Variants in TPD52 observed in about 807,000 individuals in gnomAD.
TPD52 encodes tumor protein D52.
Under a neutral mutation model 31.3 loss-of-function variants are expected in TPD52, and 17 were observed. The observed-to-expected ratio is 0.54, with a 90% CI of 0.37 to 0.82. The LOEUF (loss-of-function observed/expected upper bound fraction) is 0.82, where lower values mean the gene tolerates loss of function less well. Ranked by LOEUF, TPD52 falls within the 40% of genes least tolerant of loss-of-function variation. The pLI is 0.00. For missense variants in TPD52, 212 were observed against 240.1 expected, an observed-to-expected ratio of 0.88 and a Z score of 0.77; for synonymous variants, 83 against 89.6, an observed-to-expected ratio of 0.93 and a Z score of 0.42.
chr8:80,125,506 A>G (rs1300493934), intron 1 of TPD52, among the ~76,000 whole-genome samples: 1 of 152,166 alleles, frequency 6.6e-6, no homozygotes, highest in Non-Finnish European at 1.5e-5. Context: ...TTAAGAAGCC[A>G]AAAGTTCTGA....
chr8:80,033,904 G>A (rs1272226410), downstream of TPD52, among the ~76,000 whole-genome samples: 1 of 152,064 alleles, frequency 6.6e-6, no homozygotes, highest in African/African-American at 2.4e-5. Flanking sequence ...TCTGGGTTGT[G>A]GGCTCTACCT....
chr8:80,104,541 CAG>C (rs1157331368), intron 1 of TPD52, among the ~76,000 whole-genome samples: 1 of 146,606 alleles, frequency 6.8e-6, no homozygotes, highest in Admixed American at 6.8e-5. Flanking sequence ...GCCGGGGGAA[CAG>C]AGCAAGACCC....
intron 2 of TPD52, among the ~76,000 whole-genome samples, chr8:80,063,397 G>A (rs1812761280): frequency 6.6e-6 from 1 of 152,218 alleles, no homozygotes; most frequent in East Asian, 1.9e-4. Flanking sequence ...GCTGAAGGAG[G>A]GGAGTAGTCA....
At chr8:80,045,274 A>G (rs1031302804) in intron 5 of TPD52, among the ~76,000 whole-genome samples, 1 of 152,086 alleles carries the variant, frequency 6.6e-6, no homozygotes, top group South Asian at 2.1e-4. Flanking sequence ...AATTTACAAC[A>G]CCAGAACTCT....
intron 1 of TPD52, among the ~76,000 whole-genome samples, chr8:80,166,827 A>AC (rs1308923073): frequency 6.6e-6 from 1 of 151,886 alleles, no homozygotes; most frequent in Non-Finnish European, 1.5e-5. Flanking sequence ...AATTGCTTGA[A>AC]CCCAGGAGGC....
At chr8:80,094,239 T>G (rs6991045) in intron 1 of TPD52, among the ~76,000 whole-genome samples, 3,377 of 151,740 alleles carry the variant, frequency 0.022, 129 homozygotes, top group African/African-American at 0.078. Context: ...ATACAATTAC[T>G]GTCATGTCAT....
rs567686242 is a variant in TPD52 at position 80,036,534 on chromosome 8, G to A, written c.*1582C>T. 14 of 152,264 alleles carry A rather than the reference G, an allele frequency of 9.2e-5. No individual in the cohort carries two copies. The highest frequency in any genetic ancestry group is 5.2e-4 in the Admixed American group (8 of 15,248). The allele number at this position is 152,264 out of a possible 1,614,324, so 9.4% of individuals were successfully genotyped here. A position where few individuals can be genotyped will look rare whatever the true frequency, so the allele number is the denominator to read the frequency against. ...TTTAAGCATAGACTCCAGTTGATTC[G>A]GTACAACAAGCTGTTTCCAGACCAC... On this transcript the variant is annotated 3_prime_UTR_variant, in exon 8 of 8. Transcript: ENST00000518937.
chr8:80,064,866 T>C (rs1812951586), intron 1 of TPD52: 3 of 588,264 alleles, frequency 5.1e-6, no homozygotes, highest in Non-Finnish European at 9.6e-6. Flanking sequence ...AATATAGTTA[T>C]GGCAGAAGAG....
At chr8:80,114,425 AT>A (rs1275930914) in intron 1 of TPD52, among the ~76,000 whole-genome samples, 2 of 151,950 alleles carry the variant, frequency 1.3e-5, no homozygotes, top group Admixed American at 6.6e-5. Flanking sequence ...AGAAGCAGGA[AT>A]TTTTTTTCTG....
intron 1 of TPD52, among the ~76,000 whole-genome samples, chr8:80,107,761 T>A (rs901630061): frequency 3.9e-5 from 6 of 151,980 alleles, no homozygotes; most frequent in East Asian, 1.9e-4. Context: ...GTTTTTTTTT[T>A]AATAAGTTCA....
intron 1 of TPD52, among the ~76,000 whole-genome samples, chr8:80,139,570 G>C (rs1272900269): frequency 1.4e-5 from 2 of 143,586 alleles, no homozygotes; most frequent in African/African-American, 5.0e-5. Context: ...AAGGGCAGAG[G>C]TAAAGATTTG....
At chr8:80,135,423 C>T (rs1369535426) in intron 1 of TPD52, among the ~76,000 whole-genome samples, 2 of 152,108 alleles carry the variant, frequency 1.3e-5, no homozygotes, top group Non-Finnish European at 2.9e-5. Flanking sequence ...CCTGCCCCAG[C>T]CTACCTGCCC....
Position 80,161,732 on chromosome 8 carries a change from A to ATATTT in TPD52, c.19+9692_19+9693insAAATA, listed in dbSNP as rs1277398110. The stretch of plus-strand genomic sequence containing the variant: ...CACATTTATATATATATATATATAT[A>ATATTT]TTTTTTTTTTTTTCTGAGACAGAGT... On this transcript the variant is annotated intron_variant, in intron 1 of 7. Transcript: ENST00000518937. Among the ~76,000 whole-genome samples, 401 of 72,484 alleles carry ATATTT rather than the reference A, an allele frequency of 5.5e-3. 3 individuals are homozygous for ATATTT. Among genetic ancestry groups the ATATTT allele is most frequent in the African/African-American group, 0.013 (326 of 24,874 alleles). The allele number at this position is 72,484 out of a possible 152,430, so 47.6% of individuals were successfully genotyped here. A position where few individuals can be genotyped will look rare whatever the true frequency, so the allele number is the denominator to read the frequency against.
intron 1 of TPD52, among the ~76,000 whole-genome samples, chr8:80,135,994 AG>A (rs1809365099): frequency 1.6e-5 from 1 of 63,936 alleles, no homozygotes; most frequent in African/African-American, 6.0e-5. Flanking sequence ...GGGTGGGGGG[AG>A]GGGGGAGGGA....
intron 1 of TPD52, among the ~76,000 whole-genome samples, chr8:80,123,599 T>C (rs1808404907): frequency 6.6e-6 from 1 of 152,132 alleles, no homozygotes; most frequent in Non-Finnish European, 1.5e-5. Context: ...CTTGGTCAAG[T>C]TTATGGGATA....
intron 1 of TPD52, among the ~76,000 whole-genome samples, chr8:80,166,197 C>T (rs984255143): frequency 2.6e-4 from 40 of 152,276 alleles, no homozygotes; most frequent in African/African-American, 9.6e-4. Flanking sequence ...CCTGTAGTCA[C>T]AGCTACTCAA....
intron 1 of TPD52, among the ~76,000 whole-genome samples, chr8:80,161,727 TATATA>T (rs1563671539): frequency 2.5e-5 from 2 of 81,386 alleles, no homozygotes; most frequent in East Asian, 4.7e-4. Context: ...TATATATATA[TATATA>T]TTTTTTTTTT....
intron 1 of TPD52, among the ~76,000 whole-genome samples, chr8:80,126,730 G>A (rs879541286): frequency 1.1e-4 from 17 of 151,946 alleles, no homozygotes; most frequent in African/African-American, 3.4e-4. Context: ...TGATCCACCC[G>A]CCTCAGCCTC....
At chr8:80,104,681 T>TTTTTTTTTTTTTTTTTTTTTATG in intron 1 of TPD52, among the ~76,000 whole-genome samples, 1 of 150,456 alleles carries the variant, frequency 6.6e-6, no homozygotes. Flanking sequence ...TTTTTGCTTG[T>TTTTTTTTTTTTTTTTTTTTTATG]TTATCTGCAT....
Sources: gnomAD v4.1 joint callset for allele counts (sites outside exome capture counted in the v4.1 genomes callset) on GRCh38, gnomAD v4.1.1 for gene constraint, MANE v1.5 for transcripts, NCBI Gene and HGNC (gene_info 2026-07-23, HGNC 2026-07-21) for gene names.